The following RELT variants were observed in gnomAD, a reference collection of about 807,000 sequenced individuals.
RELT encodes the protein tumor necrosis factor receptor superfamily member 19L.
In RELT, 37 loss-of-function variants were observed where a neutral mutation model predicts 51.1. The ratio of observed to expected loss-of-function variants is 0.72; its 90% CI spans 0.56 to 0.95. The LOEUF (loss-of-function observed/expected upper bound fraction) is 0.95, where lower values mean the gene tolerates loss of function less well. RELT is among the 40% of genes least tolerant of loss of function. The pLI is 0.00. For missense variants in RELT, 535 were observed against 572.6 expected (o/e 0.93, Z 0.67); for synonymous variants, 241 against 235.7 (o/e 1.02, Z -0.21).
At position 73,395,197 on chromosome 11, in the gene RELT, C is replaced by T; in HGVS notation, c.1157C>T (p.Pro386Leu). 1 of 1,613,296 alleles carries T rather than the reference C, an allele frequency of 6.2e-7. No homozygotes were observed. The highest frequency in any genetic ancestry group is 1.1e-5 in the South Asian group (1 of 91,088). Residue 386 changes from proline (P) to leucine (L), a missense_variant, in exon 10 of 11, where the codon CCT (proline) becomes CTT (leucine). Coordinates refer to ENST00000064780, the MANE Select transcript of RELT (RefSeq NM_152222.2). Reference protein sequence around the residue: ...SWGDLPDSPQPGLPPEQQALL... With the variant: ...SWGDLPDSPQLGLPPEQQALL... Reference sequence around the variant, plus strand: ...GGTGATCTCCCTGACTCCCCACAGCCTGGCCTCCCCCCTGAGCAGCAGGCC... The same window carrying T: ...GGTGATCTCCCTGACTCCCCACAGCTTGGCCTCCCCCCTGAGCAGCAGGCC...
Position 73,392,270 on chromosome 11 carries a change from G to A in RELT, c.427G>A (p.Glu143Lys). 9 of 1,613,164 alleles carry A rather than the reference G, an allele frequency of 5.6e-6. No individual in the cohort carries two copies. The highest frequency in any genetic ancestry group is 2.2e-5 in the East Asian group (1 of 44,870). Reference sequence around the variant, plus strand: ...GGCAGCAGGGGCCAGCAGCGGTGGTGAGACACGGCAGCCTGGGAACGGCAC... The same window carrying A: ...GGCAGCAGGGGCCAGCAGCGGTGGTAAGACACGGCAGCCTGGGAACGGCAC... ...EVAAGASSGG[E>K]TRQPGNGTRA... Residue 143 changes from glutamate (E) to lysine (K), a missense_variant, in exon 6 of 11, where the codon GAG becomes AAG. Physicochemically the swap from Glu to Lys is moderately conservative, Grantham distance 56 (BLOSUM62 1). Transcript: ENST00000064780.
intron 6 of RELT, 64 bp downstream of exon 6, chr11:73,392,532 G>A: frequency 6.4e-7 from 1 of 1,559,096 alleles, no homozygotes; most frequent in Non-Finnish European, 8.7e-7. Context: ...AGCTCCACTT[G>A]GGGGCTGCCA....
At position 73,394,128 on chromosome 11, in the gene RELT, G is replaced by C. The variant is rs1298277662; in HGVS notation, c.707-108G>C. On this transcript the variant is annotated intron_variant, in intron 7 of 10. Transcript: ENST00000064780. This position sits in a 1 kb window ranked among gnomAD's most constrained non-coding sequence, Gnocchi z 4.9. Reference sequence around the variant, plus strand: ...TGGGAGGAAAAGGCGCACAGCCCAGGCTGGGAGTGGTGGTATGGAGGGTAG... The same window carrying C: ...TGGGAGGAAAAGGCGCACAGCCCAGCCTGGGAGTGGTGGTATGGAGGGTAG... 16 of 1,108,916 alleles carry C rather than the reference G, an allele frequency of 1.4e-5. No homozygotes were observed. In the East Asian group the frequency reaches 4.1e-4, roughly 29 times the overall value. 68.7% of individuals were successfully genotyped at this position (1,108,916 alleles called of 1,614,324 possible).
At chr11:73,387,132 A>T (rs531911913) in intron 1 of RELT, among the ~76,000 whole-genome samples, 2 of 151,906 alleles carry the variant, frequency 1.3e-5, no homozygotes, top group African/African-American at 4.8e-5. Flanking sequence ...TTTACTAGAG[A>T]CGGGGTTTCA....
chr11:73,394,892 C>G lies in RELT; in HGVS notation c.1046+158C>G. 1 of 971,774 alleles carries G rather than the reference C, an allele frequency of 1.0e-6. No homozygotes were observed. Among genetic ancestry groups the G allele is most frequent in the South Asian group, 1.6e-5 (1 of 61,380 alleles). The allele number at this position is 971,774 out of a possible 1,614,324, so 60.2% of individuals were successfully genotyped here. A position where few individuals can be genotyped will look rare whatever the true frequency, so the allele number is the denominator to read the frequency against. On this transcript the variant is annotated intron_variant, in intron 9 of 10. Coordinates refer to ENST00000064780, the MANE Select transcript of RELT (RefSeq NM_152222.2). The surrounding 1 kb of genome is among the most constrained non-coding windows in gnomAD (Gnocchi z 4.9). Reference sequence around the variant, plus strand: ...GGGCAGTGGAGGCGGCCAGAGAGATCAGGACTTTCCGGTTATGTTGTGTCT... The same window carrying G: ...GGGCAGTGGAGGCGGCCAGAGAGATGAGGACTTTCCGGTTATGTTGTGTCT...
intron 9 of RELT, 21 bp from the exon 10 acceptor site, chr11:73,395,066 A>G (rs1866290142): frequency 6.2e-7 from 1 of 1,600,638 alleles, no homozygotes; most frequent in Non-Finnish European, 8.6e-7. Context: ...AACGGGGATG[A>G]TTGCCCCACT....
intron 1 of RELT, among the ~76,000 whole-genome samples, chr11:73,379,660 G>A (rs1044385119): frequency 2.6e-5 from 4 of 152,188 alleles, no homozygotes; most frequent in African/African-American, 9.7e-5. Flanking sequence ...GCGGCTGGAG[G>A]TTGGCCAGCA....
chr11:73,386,403 G>T (rs372632598), intron 1 of RELT, among the ~76,000 whole-genome samples: 3 of 152,144 alleles, frequency 2.0e-5, no homozygotes, highest in Non-Finnish European at 2.9e-5. Context: ...TTTTGGTCAC[G>T]GTTCCAGGGC....
At chr11:73,391,471 G>A (rs529203151) in intron 5 of RELT, among the ~76,000 whole-genome samples, 1 of 152,252 alleles carries the variant, frequency 6.6e-6, no homozygotes, top group Non-Finnish European at 1.5e-5. Flanking sequence ...GGGGGCTGGG[G>A]ACTCACATAC....
chr11:73,380,409 T>C (rs1034839415), intron 1 of RELT, among the ~76,000 whole-genome samples: 25 of 152,162 alleles, frequency 1.6e-4, no homozygotes, highest in Non-Finnish European at 3.7e-4. Context: ...CTTGAGCCAG[T>C]AGAGGCAACT....
At chr11:73,392,149 CCT>C (rs1866225189) in intron 5 of RELT, 60 bp from the exon 6 acceptor site, 8 of 1,562,790 alleles carry the variant, frequency 5.1e-6, no homozygotes, top group African/African-American at 1.4e-5. Context: ...GCCCTGGGCC[CCT>C]GTCTCTCTGT....
At chr11:73,389,221 C>T in intron 2 of RELT, 40 bp downstream of exon 2, 1 of 1,427,012 alleles carries the variant, frequency 7.0e-7, no homozygotes. Flanking sequence ...AAAAGCCGCA[C>T]CCTCAGCCCT....
rs1253220533 is a variant in RELT at position 73,388,772 on chromosome 11, CCG to C, written c.-25-338_-25-337del. On this transcript the variant is annotated intron_variant, in intron 1 of 10. Coordinates refer to ENST00000064780, the MANE Select transcript of RELT (RefSeq NM_152222.2). This position sits in a 1 kb window ranked among gnomAD's most constrained non-coding sequence, Gnocchi z 4.1. ...GCAACCCTGTCATCACGGACACAGGCCGCCACACGCGCTTCCTTCCCCTGCTG... is the reference window on the plus strand; with the variant it reads ...GCAACCCTGTCATCACGGACACAGGCCCACACGCGCTTCCTTCCCCTGCTG... Among the ~76,000 whole-genome samples the C allele has an allele frequency of 2.0e-5, 3 of 152,190 alleles. No individual in the cohort carries two copies. The highest frequency in any genetic ancestry group is 7.2e-5 in the African/African-American group (3 of 41,444).
Position 73,389,260 on chromosome 11 carries a change from C to T in RELT, c.45+79C>T, listed in dbSNP as rs1866173677. 3.9e-6 allele frequency: 4 copies of T among 1,015,324 alleles called. No individual in the cohort carries two copies. The African/African-American group carries it at 5.1e-5, about 13-fold the overall frequency. 62.9% of individuals were successfully genotyped at this position (1,015,324 alleles called of 1,614,324 possible). Reference sequence around the variant, plus strand: ...GCCCTCCAGCAAGAGGGTGCAGACACTCCCGGGGAACCCCCTGCTGGGCAG... The same window carrying T: ...GCCCTCCAGCAAGAGGGTGCAGACATTCCCGGGGAACCCCCTGCTGGGCAG... On this transcript the variant is annotated intron_variant, in intron 2 of 10. Transcript: ENST00000064780.
intron 1 of RELT, among the ~76,000 whole-genome samples, chr11:73,380,111 GT>G (rs1001466800): frequency 1.3e-5 from 2 of 152,200 alleles, no homozygotes; most frequent in Non-Finnish European, 2.9e-5. Context: ...ATGGGCACAG[GT>G]TTGGGGCACC....
Position 73,391,236 on chromosome 11 carries a change from C to A in RELT, c.367+13C>A. 1 of 1,612,022 alleles carries A rather than the reference C, an allele frequency of 6.2e-7. No homozygotes were observed. The highest frequency in any genetic ancestry group is 8.5e-7 in the Non-Finnish European group (1 of 1,178,604). The stretch of plus-strand genomic sequence containing the variant: ...CATGGCTGTGATGGTGAGTGGCAGA[C>A]TGGGGCTAGGACTGGTGCAGGGGTA... On this transcript the variant is annotated intron_variant, in intron 5 of 10. Transcript: ENST00000064780.
Position 73,389,106 on chromosome 11 carries a change from C to G in RELT, c.-25-6C>G, listed in dbSNP as rs1030837350. ...CTCTGCCGAGCCTCCTCTCCATCTG[C>G]CCTAGGCCGGCGACCACCAGGGGCC... On this transcript the variant is annotated splice_region_variant and splice_polypyrimidine_tract_variant and intron_variant, in intron 1 of 10. Transcript: ENST00000064780. 4 of 1,512,502 alleles carry G rather than the reference C, an allele frequency of 2.6e-6. No individual in the cohort carries two copies. Among genetic ancestry groups the G allele is most frequent in the Non-Finnish European group, 2.7e-6 (3 of 1,117,338 alleles). The allele number at this position is 1,512,502 out of a possible 1,614,324, so 93.7% of individuals were successfully genotyped here.
At chr11:73,395,359 G>A in intron 10 of RELT, 74 bp downstream of exon 10, 3 of 1,552,118 alleles carry the variant, frequency 1.9e-6, no homozygotes, top group South Asian at 1.1e-5. Flanking sequence ...GGGTGGAAGT[G>A]CAGCGGGCCC....
chr11:73,383,113 T>A (rs1866073327), intron 1 of RELT, among the ~76,000 whole-genome samples: 1 of 152,168 alleles, frequency 6.6e-6, no homozygotes, highest in African/African-American at 2.4e-5. Flanking sequence ...AGCTGCTGCC[T>A]GGCCTCGAGG....
Sources: gnomAD v4.1 joint callset for allele counts (sites outside exome capture counted in the v4.1 genomes callset) on GRCh38, gnomAD v4.1.1 for gene constraint, Gnocchi (gnomAD v3.1) non-coding constraint, MANE v1.5 for transcripts, NCBI Gene and HGNC (gene_info 2026-07-23, HGNC 2026-07-21) for gene names.